Variants in SRPK1 observed in about 807,000 individuals in gnomAD.
The protein encoded by SRPK1 is SFRS protein kinase 1.
In SRPK1, 52 loss-of-function variants were observed where a neutral mutation model predicts 89.5. The observed-to-expected ratio is 0.58, with a 90% confidence interval of 0.46 to 0.73. The LOEUF is 0.73. Among genes scored for constraint, SRPK1 ranks in the 30% least tolerant of loss-of-function variants. The pLI is 0.00. For missense variants in SRPK1, 603 were observed against 780.6 expected, an observed-to-expected ratio of 0.77 and a Z score of 2.71; for synonymous variants, 255 against 270.2, an observed-to-expected ratio of 0.94 and a Z score of 0.55.
At chr6:35,850,869 A>G (rs959646770) in intron 13 of SRPK1, among the ~76,000 whole-genome samples, 25 of 152,240 alleles carry the variant, frequency 1.6e-4, no homozygotes, top group African/African-American at 5.3e-4. Flanking sequence ...TATGTTGAAC[A>G]AAGACCTGCA....
At chr6:35,880,746 A>AAGAAAGAAAGAAAG in intron 6 of SRPK1, among the ~76,000 whole-genome samples, 1 of 89,228 alleles carries the variant, frequency 1.1e-5, no homozygotes, top group African/African-American at 4.5e-5. Context: ...AAAAAAAAAA[A>AAGAAAGAAAGAAAG]AAAAGAAAAG....
At chr6:35,887,917 T>A (rs920120150) in intron 5 of SRPK1, 107 bp downstream of exon 5, 51 of 741,894 alleles carry the variant, frequency 6.9e-5, no homozygotes, top group Non-Finnish European at 9.7e-5. Context: ...TAGAACTTTA[T>A]AGAGAAAATT....
chr6:35,888,772 G>T, intron 4 of SRPK1, 43 bp downstream of exon 4: 1 of 1,229,232 alleles, frequency 8.1e-7, no homozygotes, highest in Non-Finnish European at 1.2e-6. Context: ...AACACATTTA[G>T]ACATCATCTA....
At chr6:35,890,164 G>T (rs371162529) in intron 3 of SRPK1, among the ~76,000 whole-genome samples, 19 of 152,120 alleles carry the variant, frequency 1.2e-4, no homozygotes, top group Admixed American at 1.1e-3. Flanking sequence ...GTGGGTGCCT[G>T]AGGCACAAGA....
chr6:35,898,780 CCTT>C (rs929311080), intron 2 of SRPK1, among the ~76,000 whole-genome samples: 2 of 152,006 alleles, frequency 1.3e-5, no homozygotes, highest in African/African-American at 2.4e-5. Context: ...GTCAAGCATG[CCTT>C]CTTCTCTGTT....
chr6:35,900,833 T>C (rs6909155), intron 2 of SRPK1, among the ~76,000 whole-genome samples: 148,913 of 152,260 alleles, frequency 0.98, 72,832 homozygotes, highest in East Asian at 1. Context: ...TGTTTGGGGT[T>C]TTAGAAATGA....
rs1230083332 is a variant in SRPK1 at position 35,834,707 on chromosome 6, G to C, written c.*597C>G. 6.6e-6 allele frequency: 1 copy of C among 152,144 alleles called. No individual in the cohort carries two copies. Among genetic ancestry groups the C allele is most frequent in the Non-Finnish European group, 1.5e-5 (1 of 68,036 alleles). 9.4% of individuals were successfully genotyped at this position (152,144 alleles called of 1,614,324 possible). ...GATGAAAGGAATTTGACAGTGCTTT[G>C]AACAGTGATAAAATGGTACCCAAAT... On this transcript the variant is annotated 3_prime_UTR_variant, in exon 16 of 16. Transcript: ENST00000373825.
intron 2 of SRPK1, among the ~76,000 whole-genome samples, chr6:35,897,907 A>G (rs1221751110): frequency 6.6e-6 from 1 of 152,252 alleles, no homozygotes; most frequent in East Asian, 1.9e-4. Flanking sequence ...TAGATTTATT[A>G]GCTGCATAGA....
At chr6:35,885,290 CACACACACAG>C (rs1375792436) in intron 6 of SRPK1, among the ~76,000 whole-genome samples, 35 of 135,556 alleles carry the variant, frequency 2.6e-4, no homozygotes, top group South Asian at 7.2e-4. Context: ...CACACACACA[CACACACACAG>C]AGAGAGAGAG....
At chr6:35,900,345 G>T (rs975419050) in intron 2 of SRPK1, among the ~76,000 whole-genome samples, 4 of 152,162 alleles carry the variant, frequency 2.6e-5, no homozygotes, top group African/African-American at 9.7e-5. Context: ...AGCATTGTAG[G>T]TAGAAAATAA....
chr6:35,880,738 A>AAAAAAAAAAAAAAAAAG, intron 6 of SRPK1, among the ~76,000 whole-genome samples: 1 of 18,816 alleles, frequency 5.3e-5, no homozygotes, highest in Non-Finnish European at 8.4e-5. Flanking sequence ...AAAAAAAGAA[A>AAAAAAAAAAAAAAAAAG]AAAAAAAAAA....
At chr6:35,871,469 T>C (rs1228069843) in intron 8 of SRPK1, among the ~76,000 whole-genome samples, 2 of 152,202 alleles carry the variant, frequency 1.3e-5, no homozygotes, top group Non-Finnish European at 2.9e-5. Context: ...ATAATAAAAA[T>C]TTATACTCTA....
At chr6:35,871,514 A>G (rs1165159217) in intron 8 of SRPK1, among the ~76,000 whole-genome samples, 1 of 152,240 alleles carries the variant, frequency 6.6e-6, no homozygotes, top group Non-Finnish European at 1.5e-5. Context: ...AACACTATTC[A>G]CACTGTTGTA....
chr6:35,920,628 C>A, intron 1 of SRPK1, 100 bp from the exon 2 acceptor site: 11 of 1,090,218 alleles, frequency 1.0e-5, no homozygotes, highest in Non-Finnish European at 1.4e-5. Context: ...GGCTGCGGGG[C>A]CTGCCTCGGG....
chr6:35,843,359 C>T (rs1769358833), intron 13 of SRPK1, among the ~76,000 whole-genome samples: 1 of 151,576 alleles, frequency 6.6e-6, no homozygotes, highest in African/African-American at 2.4e-5. Flanking sequence ...ATTCAGACTT[C>T]TACTTATGAC....
intron 6 of SRPK1, among the ~76,000 whole-genome samples, chr6:35,884,156 G>A (rs191344895): frequency 1.3e-5 from 2 of 152,070 alleles, no homozygotes; most frequent in South Asian, 2.1e-4. Context: ...AATAAGAGGA[G>A]CTAGCAAAAC....
In SRPK1 at chr6:35,874,249, T is replaced by C. The variant is rs1238312848; in HGVS notation, c.569A>G (p.Lys190Arg). ...GATACATACTTGCTGAATAATTTTT[T>C]TGACACAAGGCAGTGGAAGCCCCTG... ...NYQGLPLPCV[K>R]KIIQQVLQGL... Residue 190 changes from lysine (K) to arginine (R), a missense_variant, in exon 7 of 16, where the codon AAA (lysine) becomes AGA (arginine). By Grantham distance (26) the Lys-to-Arg change is conservative (BLOSUM62 2). Coordinates refer to ENST00000373825, the MANE Select transcript of SRPK1 (RefSeq NM_003137.5). 6.2e-7 allele frequency: 1 copy of C among 1,612,162 alleles called. No homozygotes were observed. The highest frequency in any genetic ancestry group is 1.7e-5 in the Admixed American group (1 of 59,788).
chr6:35,856,057 A>T (rs963854598), intron 13 of SRPK1, among the ~76,000 whole-genome samples: 2 of 152,222 alleles, frequency 1.3e-5, no homozygotes, highest in Non-Finnish European at 2.9e-5. Flanking sequence ...AGTTGGACAT[A>T]CGGGAAAGAC....
intron 12 of SRPK1, among the ~76,000 whole-genome samples, chr6:35,862,725 G>A (rs1397452516): frequency 6.6e-6 from 1 of 152,036 alleles, no homozygotes; most frequent in Non-Finnish European, 1.5e-5. Context: ...TTTTAAAGAA[G>A]CTCAATAAGA....
Sources: allele counts gnomAD v4.1 joint callset (sites outside exome capture counted in the v4.1 genomes callset), GRCh38; gene constraint gnomAD v4.1.1; transcripts MANE v1.5; gene names NCBI Gene and HGNC (gene_info 2026-07-23, HGNC 2026-07-21).